Variants in WDR93 observed in about 807,000 individuals in gnomAD.
WDR93 encodes the protein WD repeat domain 93.
In WDR93, 73 loss-of-function variants were observed where a neutral mutation model predicts 82.9. That is an observed-to-expected ratio of 0.88 (90% CI 0.73 to 1.07). WDR93 has a LOEUF of 1.07. Ranked by LOEUF, WDR93 falls within the 50% of genes least tolerant of loss-of-function variation. WDR93 has a pLI of 0.00. For synonymous variants in WDR93, 283 were observed against 300.1 expected (o/e 0.94, Z 0.59); for missense variants, 738 against 826.0 (o/e 0.89, Z 1.31).
rs1488287978 is a variant in WDR93, at chr15:89,738,106, A to G, written c.1831A>G (p.Asn611Asp). Residue 611 changes from asparagine to aspartate, a missense_variant, in exon 16 of 17, where the codon AAT (asparagine) becomes GAT (aspartate). Transcript: ENST00000268130. Reference protein sequence around the residue: ...AGIQYSVFYFNFEACPLLENI... With the variant: ...AGIQYSVFYFDFEACPLLENI... ...AATCCAATATTCTGTTTTCTATTTT[A>G]ATTTTGAGGCCTGCCCACTCCTGGA... 6.2e-7 allele frequency: 1 copy of G among 1,614,062 alleles called. No homozygotes were observed. Among genetic ancestry groups the G allele is most frequent in the Non-Finnish European group, 8.5e-7 (1 of 1,180,000 alleles).
chr15:89,737,027 G>A (rs190483658), intron 14 of WDR93, among the ~76,000 whole-genome samples: 5 of 152,120 alleles, frequency 3.3e-5, no homozygotes, highest in Admixed American at 6.6e-5. Flanking sequence ...TCCTGACCTC[G>A]TGATCCGCCC....
At chr15:89,692,701 C>G (rs1964959623) in intron 1 of WDR93, among the ~76,000 whole-genome samples, 1 of 152,164 alleles carries the variant, frequency 6.6e-6, no homozygotes, top group Non-Finnish European at 1.5e-5. Flanking sequence ...CCTTCGTCTC[C>G]CGGGTTCAAG....
rs778202380 is a variant in WDR93, at chr15:89,722,154, A to G, written c.880+15A>G. 4 of 1,548,182 alleles carry G rather than the reference A, an allele frequency of 2.6e-6. No homozygotes were observed. In the East Asian group the frequency reaches 6.8e-5, roughly 26 times the overall value. Reference sequence around the variant, plus strand: ...GCCTGTTACAGGTAAGTGTGATTCAAATCTCTCTCCTTTTGCCATTGATTT... The same window carrying G: ...GCCTGTTACAGGTAAGTGTGATTCAGATCTCTCTCCTTTTGCCATTGATTT... On this transcript the variant is annotated intron_variant, in intron 8 of 16. Transcript: ENST00000268130.
At chr15:89,741,599 A>G (rs980502219) in intron 16 of WDR93, among the ~76,000 whole-genome samples, 1 of 152,182 alleles carries the variant, frequency 6.6e-6, no homozygotes, top group African/African-American at 2.4e-5. Flanking sequence ...TATAAAGTAC[A>G]CATTGCTACT....
At chr15:89,724,353 A>AG (rs1410835837) in intron 8 of WDR93, among the ~76,000 whole-genome samples, 1 of 152,224 alleles carries the variant, frequency 6.6e-6, no homozygotes, top group Non-Finnish European at 1.5e-5. Context: ...CTCAAAAAAA[A>AG]GAAAAAGAAA....
At chr15:89,703,547 G>A (rs910003671) in intron 3 of WDR93, 3 of 208,510 alleles carry the variant, frequency 1.4e-5, no homozygotes, top group African/African-American at 7.0e-5. Flanking sequence ...GCCTGAGGAT[G>A]AACCAGGCCT....
At chr15:89,711,807 G>A (rs1216933429) in intron 4 of WDR93, among the ~76,000 whole-genome samples, 2 of 152,178 alleles carry the variant, frequency 1.3e-5, no homozygotes, top group African/African-American at 4.8e-5. Flanking sequence ...CAGGAAATAA[G>A]TTCAAAAACC....
At chr15:89,710,016 C>T (rs943916707) in intron 4 of WDR93, among the ~76,000 whole-genome samples, 4 of 151,984 alleles carry the variant, frequency 2.6e-5, no homozygotes, top group East Asian at 1.9e-4. Context: ...AAAAATTAGC[C>T]GGGTGTGCTG....
At chr15:89,726,100 A>C (rs887341751) in intron 8 of WDR93, among the ~76,000 whole-genome samples, 3 of 152,228 alleles carry the variant, frequency 2.0e-5, no homozygotes, top group African/African-American at 7.2e-5. Context: ...GTATAATAGC[A>C]ATTCTCAAAC....
intron 1 of WDR93, among the ~76,000 whole-genome samples, chr15:89,700,894 C>G (rs1005706424): frequency 2.6e-5 from 4 of 151,946 alleles, no homozygotes; most frequent in African/African-American, 9.7e-5. Flanking sequence ...ATTACTTGTT[C>G]TCTTCTTGTA....
At chr15:89,731,691 T>C in intron 12 of WDR93, 129 bp downstream of exon 12, 1 of 1,225,446 alleles carries the variant, frequency 8.2e-7, no homozygotes, top group Non-Finnish European at 1.1e-6. Context: ...CTTGGGGAAC[T>C]GGTCCTACTC....
rs1966840187 is a variant in WDR93, at chr15:89,729,053, C to T, written c.1083C>T (p.Ser361=). The T allele has an allele frequency of 1.9e-6, 3 of 1,614,028 alleles. No individual in the cohort carries two copies. The highest frequency in any genetic ancestry group is 2.7e-5 in the African/African-American group (2 of 74,906). The part of the protein sequence containing the change: ...STATFYFLLP[S]CLFAMPPEVK... The stretch of plus-strand genomic sequence containing the variant: ...CCACCTTCTATTTCCTTCTTCCTAG[C>T]TGCCTATTTGCAATGCCACCGGAAG... The change falls in exon 10 of 17, where the codon AGC becomes AGT. Residue 361 remains serine, a synonymous_variant. Transcript: ENST00000268130.
At chr15:89,706,159 G>C (rs988542895) in intron 4 of WDR93, among the ~76,000 whole-genome samples, 22 of 152,104 alleles carry the variant, frequency 1.4e-4, no homozygotes, top group Non-Finnish European at 8.8e-5. Context: ...CTCTACCCTA[G>C]TTTGTTCATG....
At chr15:89,694,248 CTTTTTTTTTTTTT>C (rs907842374) in intron 1 of WDR93, among the ~76,000 whole-genome samples, 1 of 125,158 alleles carries the variant, frequency 8.0e-6, no homozygotes, top group Non-Finnish European at 1.7e-5. Flanking sequence ...TGGGTTATTT[CTTTTTTTTTTTTT>C]TTTTTTTGAG....
upstream of WDR93, chr15:89,690,704 GGGA>G: frequency 8.8e-7 from 1 of 1,141,506 alleles, no homozygotes; most frequent in Non-Finnish European, 1.3e-6. Flanking sequence ...CGGATCCCCA[GGGA>G]ACGGTCAGTC....
intron 6 of WDR93, among the ~76,000 whole-genome samples, chr15:89,716,382 C>G (rs933926913): frequency 6.6e-6 from 1 of 152,148 alleles, no homozygotes; most frequent in African/African-American, 2.4e-5. Flanking sequence ...TAGTATCATA[C>G]TTGGTACTCA....
chr15:89,727,078 G>T, intron 8 of WDR93, 79 bp from the exon 9 acceptor site: 1 of 1,486,138 alleles, frequency 6.7e-7, no homozygotes, highest in Non-Finnish European at 9.2e-7. Flanking sequence ...AGGAAGCTGG[G>T]AAGAGTGGAA....
chr15:89,699,615 C>A (rs938071228), intron 1 of WDR93, among the ~76,000 whole-genome samples: 1 of 120,494 alleles, frequency 8.3e-6, no homozygotes, highest in African/African-American at 3.3e-5. Flanking sequence ...AATGATCTCA[C>A]ACCTCAGTTC....
In WDR93 at chr15:89,728,902, T is replaced by G. The variant is rs1472142877; in HGVS notation, c.1053-121T>G. On this transcript the variant is annotated intron_variant, in intron 9 of 16. Coordinates refer to ENST00000268130, the MANE Select transcript of WDR93 (RefSeq NM_020212.2). ...CTAGAATGTGATGTGCTTCATGGCC[T>G]TCTTACCCCTGGGAAGGTCCATTCT... 1.0e-5 allele frequency: 9 copies of G among 857,228 alleles called. No homozygotes were observed. The African/African-American group carries it at 1.3e-4, about 13-fold the overall frequency. 53.1% of individuals were successfully genotyped at this position (857,228 alleles called of 1,614,324 possible).
Sources: gnomAD v4.1 joint callset for allele counts (sites outside exome capture counted in the v4.1 genomes callset) on GRCh38, gnomAD v4.1.1 for gene constraint, MANE v1.5 for transcripts, NCBI Gene and HGNC (gene_info 2026-07-23, HGNC 2026-07-21) for gene names.